The following SLC12A8 variants were observed in gnomAD, a reference collection of about 807,000 sequenced individuals.
SLC12A8 encodes cation-chloride cotransporter 9.
A neutral mutation model predicts 75.6 loss-of-function variants in SLC12A8; 69 were observed. The ratio of observed to expected loss-of-function variants is 0.91; its 90% confidence interval spans 0.75 to 1.11. The LOEUF (loss-of-function observed/expected upper bound fraction) is 1.11, where lower values mean the gene tolerates loss of function less well. Ranked by LOEUF, SLC12A8 falls within the 50% of genes most tolerant of loss-of-function variation. The pLI is 0.00. For synonymous variants in SLC12A8, 365 were observed against 372.8 expected (o/e 0.98, Z 0.24); for missense variants, 877 against 896.7 (o/e 0.98, Z 0.28).
At chr3:125,204,613 G>A (rs1267093314) in intron 2 of SLC12A8, among the ~76,000 whole-genome samples, 1 of 152,004 alleles carries the variant, frequency 6.6e-6, no homozygotes, top group South Asian at 2.1e-4. Flanking sequence ...TTGGTTAATG[G>A]GTATAACTGC....
At chr3:125,153,628 G>T (rs891469517) in intron 5 of SLC12A8, among the ~76,000 whole-genome samples, 7 of 148,896 alleles carry the variant, frequency 4.7e-5, no homozygotes, top group Admixed American at 2.7e-4. Context: ...TGAAATTTAT[G>T]TATTTATTTA....
In SLC12A8 at chr3:125,107,746, T is replaced by C. The variant is rs1939067539; in HGVS notation, c.1440A>G (p.Gly480=). ...RKLESSQPRQ[G]EGNRTPESQK... The stretch of plus-strand genomic sequence containing the variant: ...GACTTTCTGGGGTCCTGTTACCCTC[T>C]CCTTGCCTGGGCTGGCTACTCTCAA... The change falls in exon 10 of 14, where the codon GGA becomes GGG. Residue 480 remains glycine (G), a synonymous_variant. Transcript: ENST00000469902. 2 of 1,614,076 alleles carry C rather than the reference T, an allele frequency of 1.2e-6. No individual in the cohort carries two copies. The highest frequency in any genetic ancestry group is 1.7e-6 in the Non-Finnish European group (2 of 1,180,034).
At chr3:125,189,790 C>T (rs1050553951) in intron 3 of SLC12A8, among the ~76,000 whole-genome samples, 2 of 152,224 alleles carry the variant, frequency 1.3e-5, no homozygotes, top group Non-Finnish European at 2.9e-5. Context: ...AGGCACACAT[C>T]TGCTTGGAAG....
intron 5 of SLC12A8, among the ~76,000 whole-genome samples, chr3:125,146,410 C>T (rs146134034): frequency 1.3e-5 from 2 of 152,294 alleles, no homozygotes; most frequent in East Asian, 1.9e-4. Flanking sequence ...CAGTTAAAAA[C>T]GGTTAAAATG....
intron 10 of SLC12A8, among the ~76,000 whole-genome samples, chr3:125,104,920 G>A (rs1305083898): frequency 6.6e-6 from 1 of 152,150 alleles, no homozygotes; most frequent in Non-Finnish European, 1.5e-5. Context: ...AGTGATAAAG[G>A]AGCATGGGTC....
At chr3:125,124,800 TA>T (rs568627304) in intron 6 of SLC12A8, among the ~76,000 whole-genome samples, 344 of 152,372 alleles carry the variant, frequency 2.3e-3, no homozygotes, top group Non-Finnish European at 4.1e-3. Flanking sequence ...CTGTCTGTGT[TA>T]AGTGTCACAG....
intron 5 of SLC12A8, among the ~76,000 whole-genome samples, chr3:125,174,046 C>T (rs1048281151): frequency 6.6e-6 from 1 of 152,154 alleles, no homozygotes; most frequent in Non-Finnish European, 1.5e-5. Flanking sequence ...GAGCCAAGAT[C>T]GTGCCACTGC....
intron 5 of SLC12A8, among the ~76,000 whole-genome samples, chr3:125,139,633 ACT>A (rs1215328308): frequency 1.3e-5 from 2 of 151,890 alleles, no homozygotes; most frequent in African/African-American, 4.8e-5. Context: ...GGCATGGTTG[ACT>A]CTCTGTTGGG....
chr3:125,120,815 G>A, intron 6 of SLC12A8, 129 bp from the exon 7 acceptor site: 1 of 738,158 alleles, frequency 1.4e-6, no homozygotes. Context: ...TCCAGCTGCA[G>A]CTCTGCGCAT....
chr3:125,115,930 A>G (rs868348400), intron 8 of SLC12A8, among the ~76,000 whole-genome samples: 5 of 152,318 alleles, frequency 3.3e-5, no homozygotes, highest in Middle Eastern at 3.4e-3. Flanking sequence ...ACAGGTTATC[A>G]GGGTGGCCGG....
At chr3:125,107,299 A>G (rs1579473477) in intron 10 of SLC12A8, among the ~76,000 whole-genome samples, 182 bp downstream of exon 10, 1 of 152,364 alleles carries the variant, frequency 6.6e-6, no homozygotes, top group African/African-American at 2.4e-5. Context: ...TTAACTATCT[A>G]TAACAGAGTA....
intron 5 of SLC12A8, among the ~76,000 whole-genome samples, chr3:125,141,495 G>A (rs1050913376): frequency 6.2e-4 from 95 of 152,358 alleles, no homozygotes; most frequent in African/African-American, 2.2e-3. Flanking sequence ...CTGGGTAGGC[G>A]GCTGCTAGGG....
intron 5 of SLC12A8, 56 bp downstream of exon 5, chr3:125,177,687 C>T: frequency 1.4e-6 from 2 of 1,441,992 alleles, no homozygotes; most frequent in Non-Finnish European, 1.9e-6. Context: ...CACCTACAAA[C>T]ATCTCTAAAG....
At chr3:125,200,647 G>T (rs2107802110) in intron 2 of SLC12A8, among the ~76,000 whole-genome samples, 1 of 152,268 alleles carries the variant, frequency 6.6e-6, no homozygotes, top group Admixed American at 6.5e-5. Context: ...ATTTTAAAAT[G>T]TATTGAATAC....
At chr3:125,132,690 T>C (rs781299218) in intron 6 of SLC12A8, among the ~76,000 whole-genome samples, 1 of 152,182 alleles carries the variant, frequency 6.6e-6, no homozygotes, top group Non-Finnish European at 1.5e-5. Context: ...CAACTGAATG[T>C]ATGATGTGAA....
At position 125,161,668 on chromosome 3, in the gene SLC12A8, A is replaced by G. The variant is rs77196866; in HGVS notation, c.622+16075T>C. Among the ~76,000 whole-genome samples, 831 of 142,438 alleles carry G rather than the reference A, an allele frequency of 5.8e-3. 8 individuals carry two copies. Among genetic ancestry groups the G allele is most frequent in the African/African-American group, 0.021 (808 of 37,886 alleles). 93.4% of individuals were successfully genotyped at this position (142,438 alleles called of 152,430 possible). On this transcript the variant is annotated intron_variant, in intron 5 of 13. Transcript: ENST00000469902. The stretch of plus-strand genomic sequence containing the variant: ...TGTGGACACAGGTAATATGAAGCAC[A>G]TGTACTTTTCTCAAAAAAAAAAAAA...
At chr3:125,156,308 T>C (rs1232602694) in intron 5 of SLC12A8, among the ~76,000 whole-genome samples, 1 of 152,222 alleles carries the variant, frequency 6.6e-6, no homozygotes, top group Non-Finnish European at 1.5e-5. Context: ...TTTGAGTTCA[T>C]GTGCCAGACA....
intron 5 of SLC12A8, among the ~76,000 whole-genome samples, chr3:125,147,094 G>C (rs959213424): frequency 6.6e-6 from 1 of 152,368 alleles, no homozygotes; most frequent in African/African-American, 2.4e-5. Flanking sequence ...ACAAAGTGCA[G>C]CGTCTCAATA....
In SLC12A8 at chr3:125,177,955, T is replaced by C; in HGVS notation, c.410A>G (p.Tyr137Cys). Residue 137 changes from tyrosine to cysteine, a missense_variant, in exon 5 of 14, where the codon TAT becomes TGT. Tyr to Cys is a radical substitution (Grantham distance 194, BLOSUM62 -2). Transcript: ENST00000469902. ...GATGGATTCAGCAAAGCCGGTGATA[T>C]ACATGGCACCTGCAACACACTGACA... The part of the protein sequence containing the change: ...VFGQCVAGAM[Y>C]ITGFAESISD... 1 of 1,613,232 alleles carries C rather than the reference T, an allele frequency of 6.2e-7. No homozygotes were observed. The highest frequency in any genetic ancestry group is 8.5e-7 in the Non-Finnish European group (1 of 1,179,650).
Sources: gnomAD v4.1 joint callset for allele counts (sites outside exome capture counted in the v4.1 genomes callset) on GRCh38, gnomAD v4.1.1 for gene constraint, MANE v1.5 for transcripts, NCBI Gene and HGNC (gene_info 2026-07-23, HGNC 2026-07-21) for gene names.